ANO2: variants seen among roughly 807,000 people sequenced by gnomAD.
ANO2 encodes the protein anoctamin 2.
A neutral mutation model predicts 124.2 loss-of-function variants in ANO2; 101 were observed. The observed-to-expected ratio is 0.81, with a 90% confidence interval of 0.69 to 0.96. The LOEUF (loss-of-function observed/expected upper bound fraction) is 0.96, where lower values mean the gene tolerates loss of function less well. Ranked by LOEUF, ANO2 falls within the 40% of genes least tolerant of loss-of-function variation. ANO2 has a pLI of 0.00. For missense variants in ANO2, 1,293 were observed against 1,274.5 expected (o/e 1.01, Z -0.22); for synonymous variants, 486 against 482.5 (o/e 1.01, Z -0.09).
intron 20 of ANO2, chr12:5,584,111 C>T (rs950734652): frequency 4.8e-6 from 1 of 208,358 alleles, no homozygotes; most frequent in Non-Finnish European, 1.0e-5. Flanking sequence ...CTCCCTGTGT[C>T]ATTCCTTAAT....
chr12:5,831,804 C>A (rs1049957475), intron 5 of ANO2, among the ~76,000 whole-genome samples: 4 of 152,156 alleles, frequency 2.6e-5, no homozygotes, highest in Non-Finnish European at 5.9e-5. Flanking sequence ...CCCTCTCTTG[C>A]TCCATTTTCT....
chr12:5,858,913 T>G (rs1955186565), intron 3 of ANO2, among the ~76,000 whole-genome samples: 1 of 152,206 alleles, frequency 6.6e-6, no homozygotes, highest in South Asian at 2.1e-4. Context: ...GGTTCCTTTA[T>G]TGCCTTGCAC....
intron 4 of ANO2, among the ~76,000 whole-genome samples, chr12:5,836,265 A>G (rs11837513): frequency 0.033 from 4,988 of 152,366 alleles, 266 homozygotes; most frequent in African/African-American, 0.11. Flanking sequence ...CAGATAAACA[A>G]TGAATAATCT....
At chr12:5,792,993 A>G (rs1409624912) in intron 10 of ANO2, among the ~76,000 whole-genome samples, 3 of 152,190 alleles carry the variant, frequency 2.0e-5, no homozygotes, top group Non-Finnish European at 2.9e-5. Flanking sequence ...TCACGATGAT[A>G]AGGCTGTGTG....
At chr12:5,596,976 T>C (rs563868069) in intron 20 of ANO2, among the ~76,000 whole-genome samples, 3 of 152,296 alleles carry the variant, frequency 2.0e-5, no homozygotes, top group Admixed American at 1.3e-4. Flanking sequence ...GGAGTCTTGA[T>C]AAGGGCAAGT....
At chr12:5,853,640 G>T (rs545907650) in intron 4 of ANO2, among the ~76,000 whole-genome samples, 14 of 152,260 alleles carry the variant, frequency 9.2e-5, no homozygotes, top group African/African-American at 3.4e-4. Flanking sequence ...ACAGCAAATT[G>T]GTGTTGTTTC....
chr12:5,688,810 C>CTTT (rs36091783), intron 14 of ANO2, among the ~76,000 whole-genome samples: 5 of 119,364 alleles, frequency 4.2e-5, no homozygotes, highest in Non-Finnish European at 6.8e-5. Flanking sequence ...TGGGAGTATC[C>CTTT]TTTTTTTTTT....
chr12:5,657,117 C>G (rs1947197787), intron 14 of ANO2, among the ~76,000 whole-genome samples: 1 of 152,166 alleles, frequency 6.6e-6, no homozygotes, highest in African/African-American at 2.4e-5. Context: ...TTCAGTAAAC[C>G]AGGGCAGCTT....
chr12:5,581,867 G>A (rs1232416738), intron 20 of ANO2, among the ~76,000 whole-genome samples: 3 of 152,138 alleles, frequency 2.0e-5, no homozygotes, highest in Non-Finnish European at 2.9e-5. Context: ...TGCAGATGTC[G>A]CCTGCTCAGA....
At position 5,833,741 on chromosome 12, in the gene ANO2, C is replaced by T. The variant is rs114193636; in HGVS notation, c.634-1138G>A. ...CTGCACATGTGAGGGATCTAGGTTG[C>T]GTGTTATTTATGAGAATCTAATGCC... On this transcript the variant is annotated intron_variant, in intron 4 of 24. Coordinates refer to ENST00000682330, the MANE Select transcript of ANO2 (RefSeq NM_001364791.2). Among the ~76,000 whole-genome samples the T allele has an allele frequency of 3.6e-3, 506 of 140,554 alleles. 2 individuals carry two copies. The highest frequency in any genetic ancestry group is 0.011 in the African/African-American group (461 of 41,012). 92.2% of individuals were successfully genotyped at this position (140,554 alleles called of 152,430 possible). A position where few individuals can be genotyped will look rare whatever the true frequency, so the allele number is the denominator to read the frequency against.
intron 3 of ANO2, among the ~76,000 whole-genome samples, chr12:5,879,085 T>C (rs1271135140): frequency 6.6e-6 from 1 of 152,214 alleles, no homozygotes; most frequent in Non-Finnish European, 1.5e-5. Context: ...ACTTAAAACA[T>C]GGCTTGACAC....
chr12:5,686,692 A>C (rs894857939), intron 14 of ANO2, among the ~76,000 whole-genome samples: 1 of 152,198 alleles, frequency 6.6e-6, no homozygotes, highest in African/African-American at 2.4e-5. Flanking sequence ...GTGGCACCAA[A>C]GCAGGCAGCA....
intron 1 of ANO2, among the ~76,000 whole-genome samples, chr12:5,941,529 A>G (rs1942894597): frequency 6.6e-6 from 1 of 152,196 alleles, no homozygotes; most frequent in Non-Finnish European, 1.5e-5. Flanking sequence ...AGAAGAAAAG[A>G]AAAGCAGATC....
intron 3 of ANO2, among the ~76,000 whole-genome samples, chr12:5,855,266 G>C (rs1591702576): frequency 6.6e-6 from 1 of 152,350 alleles, no homozygotes; most frequent in South Asian, 2.1e-4. Context: ...GTGCCTGGCA[G>C]AGAGATAGAT....
At chr12:5,580,148 T>C (rs1053504508) in intron 20 of ANO2, among the ~76,000 whole-genome samples, 3 of 152,198 alleles carry the variant, frequency 2.0e-5, no homozygotes, top group Non-Finnish European at 4.4e-5. Context: ...ATTATTAAAC[T>C]TTCTGTGCTT....
chr12:5,937,806 C>G (rs1591816235), intron 1 of ANO2, among the ~76,000 whole-genome samples: 2 of 152,246 alleles, frequency 1.3e-5, no homozygotes, highest in African/African-American at 4.8e-5. Context: ...CTTGTCTTCC[C>G]TATTGATCTT....
At chr12:5,726,732 T>A (rs890157941) in intron 14 of ANO2, among the ~76,000 whole-genome samples, 1 of 152,194 alleles carries the variant, frequency 6.6e-6, no homozygotes, top group South Asian at 2.1e-4. Flanking sequence ...TATGCCCACA[T>A]CCTTGAAAAT....
In ANO2 at chr12:5,578,376, G is replaced by C; in HGVS notation, c.2376C>G (p.Thr792=). The part of the protein sequence containing the change: ...TELRRPDAVR[T]KDIGIWFDIL... ...AAGTGGGGCACGTACCGATATCTTT[G>C]GTTCTTACAGCATCCGGCCGTCTCA... The change falls in exon 21 of 25, where the codon ACC becomes ACG. Residue 792 remains threonine, a synonymous_variant. Transcript: ENST00000682330. The C allele has an allele frequency of 6.2e-7, 1 of 1,613,828 alleles. No individual in the cohort carries two copies. The highest frequency in any genetic ancestry group is 8.5e-7 in the Non-Finnish European group (1 of 1,179,780).
chr12:5,857,816 AGATG>A (rs1955152213), intron 3 of ANO2, among the ~76,000 whole-genome samples: 1 of 147,358 alleles, frequency 6.8e-6, no homozygotes, highest in African/African-American at 2.5e-5. Context: ...ATAGATAGAT[AGATG>A]CCCACTGGAA....
Sources: gnomAD v4.1 joint callset for allele counts (sites outside exome capture counted in the v4.1 genomes callset) on GRCh38, gnomAD v4.1.1 for gene constraint, MANE v1.5 for transcripts, NCBI Gene and HGNC (gene_info 2026-07-23, HGNC 2026-07-21) for gene names.